ATXN1: variants seen among roughly 807,000 people sequenced by gnomAD.
ATXN1 encodes the protein ataxin 1, also known as ataxin-1.
ATXN1 carries 8 observed loss-of-function variants against 56.4 expected under a neutral mutation model. The ratio of observed to expected loss-of-function variants is 0.14; its 90% CI spans 0.08 to 0.26. The LOEUF (loss-of-function observed/expected upper bound fraction) is 0.26, where lower values mean the gene tolerates loss of function less well. Among genes scored for constraint, ATXN1 ranks in the 10% least tolerant of loss-of-function variants. The probability of loss-of-function intolerance (pLI) is 1.00; values close to 1 mark genes in which losing one functional copy is unlikely to be tolerated. For missense variants in ATXN1, 987 were observed against 1,106.5 expected, an observed-to-expected ratio of 0.89 and a Z score of 1.53; for synonymous variants, 514 against 494.6, an observed-to-expected ratio of 1.04 and a Z score of -0.52.
intron 4 of ATXN1, among the ~76,000 whole-genome samples, chr6:16,544,619 G>T (rs1417378548): frequency 6.6e-6 from 1 of 152,154 alleles, no homozygotes; most frequent in Non-Finnish European, 1.5e-5. Context: ...GCGTTGGCGT[G>T]TTATGGCACT....
At chr6:16,750,064 A>G (rs895218744) in intron 2 of ATXN1, 1 of 152,412 alleles carries the variant, frequency 6.6e-6, no homozygotes, top group Non-Finnish European at 1.5e-5. Flanking sequence ...TCTAGTCAGC[A>G]GAGCTCAACT....
chr6:16,744,981 T>C lies in ATXN1; in HGVS notation c.-615+8252A>G, dbSNP rs111517072. On this transcript the variant is annotated intron_variant, in intron 2 of 7. Coordinates refer to ENST00000436367, the MANE Select transcript of ATXN1 (RefSeq NM_001128164.2). ...AGAACATATAAAGAGCTCATATACA[T>C]AGATTAGAAAACATCAAGACTTCCA... is the stretch of plus-strand genomic sequence containing the variant. 8.6e-3 allele frequency among the ~76,000 whole-genome samples: 1,310 copies of C among 152,300 alleles called. 8 individuals are homozygous for C. Among genetic ancestry groups the C allele is most frequent in the Middle Eastern group, 0.024 (7 of 294 alleles).
chr6:16,543,392 CCT>C (rs1340425945), intron 4 of ATXN1, among the ~76,000 whole-genome samples: 1 of 151,992 alleles, frequency 6.6e-6, no homozygotes, highest in Non-Finnish European at 1.5e-5. Context: ...GTCTTTTCCC[CCT>C]CTGTGTGTAT....
rs370563839 is a variant in ATXN1, at chr6:16,694,051, G to A, written c.-614-36150C>T. ...ATGAAAAATTTAATCTACCTAAGAT[G>A]CCTACATGTTTCAAATAGACTTTTG... is the stretch of plus-strand genomic sequence containing the variant. On this transcript the variant is annotated intron_variant, in intron 2 of 7. Coordinates refer to ENST00000436367, the MANE Select transcript of ATXN1 (RefSeq NM_001128164.2). Among the ~76,000 whole-genome samples the A allele has an allele frequency of 2.5e-4, 38 of 152,256 alleles. No individual in the cohort carries two copies. In the East Asian group the frequency reaches 6.0e-3, roughly 24 times the overall value.
At chr6:16,632,043 A>T (rs961727925) in intron 3 of ATXN1, among the ~76,000 whole-genome samples, 8 of 152,138 alleles carry the variant, frequency 5.3e-5, no homozygotes, top group Non-Finnish European at 1.0e-4. Context: ...CAAAAGCAAT[A>T]ATGCTTACTT....
Position 16,326,708 on chromosome 6 carries a change from G to C in ATXN1, c.1603C>G (p.Pro535Ala), listed in dbSNP as rs1760814662. 1 of 1,613,402 alleles carries C rather than the reference G, an allele frequency of 6.2e-7. No individual in the cohort carries two copies. The highest frequency in any genetic ancestry group is 8.5e-7 in the Non-Finnish European group (1 of 1,180,018). ...GCGGCCTGGGTGACCAGGGCCTCAGGGTTGAAGTTCTCGCTCTTGGGAAGG... is the reference window on the plus strand; with the variant it reads ...GCGGCCTGGGTGACCAGGGCCTCAGCGTTGAAGTTCTCGCTCTTGGGAAGG... ...TALPKSENFN[P>A]EALVTQAAYP... The change falls in exon 7 of 8, where the codon CCT becomes GCT. Residue 535 changes from proline (P) to alanine (A), a missense_variant. By Grantham distance (27) the Pro-to-Ala change is conservative. Coordinates refer to ENST00000436367, the MANE Select transcript of ATXN1 (RefSeq NM_001128164.2). The surrounding 1 kb of genome is among the most constrained non-coding windows in gnomAD (Gnocchi z 6.6).
At chr6:16,360,582 G>T (rs1205846585) in intron 6 of ATXN1, among the ~76,000 whole-genome samples, 2 of 152,168 alleles carry the variant, frequency 1.3e-5, no homozygotes, top group Non-Finnish European at 2.9e-5. Flanking sequence ...TTCAATTTAA[G>T]AGAAGTAAGC....
intron 5 of ATXN1, among the ~76,000 whole-genome samples, chr6:16,495,428 C>T (rs1178710615): frequency 1.3e-5 from 2 of 152,170 alleles, no homozygotes; most frequent in Non-Finnish European, 2.9e-5. Flanking sequence ...TGAACAGACA[C>T]AAGTAACAGA....
chr6:16,408,515 T>TAA (rs34769591), intron 6 of ATXN1, among the ~76,000 whole-genome samples: 25 of 136,880 alleles, frequency 1.8e-4, no homozygotes, highest in South Asian at 7.2e-4. Flanking sequence ...ATGAGGATGG[T>TAA]AAAAAAAAAA....
At chr6:16,387,026 T>C (rs149856843) in intron 6 of ATXN1, among the ~76,000 whole-genome samples, 43 of 152,286 alleles carry the variant, frequency 2.8e-4, no homozygotes, top group African/African-American at 9.4e-4. Flanking sequence ...ACAAGGACTG[T>C]GTCTTAGTCA....
chr6:16,568,842 A>G lies in ATXN1; in HGVS notation c.-361+16938T>C, dbSNP rs142850959. On this transcript the variant is annotated intron_variant, in intron 4 of 7. Coordinates refer to ENST00000436367, the MANE Select transcript of ATXN1 (RefSeq NM_001128164.2). ...AGGCTAATAAAGAGTTCAGTTCAGT[A>G]AAGACTTGTTTCTAGGTTTTGACAG... Among the ~76,000 whole-genome samples the G allele has an allele frequency of 2.9e-3, 441 of 152,290 alleles. 3 individuals carry two copies. Among genetic ancestry groups the G allele is most frequent in the Non-Finnish European group, 4.9e-3 (330 of 68,026 alleles).
In ATXN1 at chr6:16,305,637, A is replaced by AT. The variant is rs1035243618; in HGVS notation, c.*691_*692insA. ...CATGTGGCAGTTGCTCTTTAAAAAA[A>AT]ATATATATCAGTGCAGTCAGGCCCC... On this transcript the variant is annotated 3_prime_UTR_variant, in exon 8 of 8. Transcript: ENST00000436367. 1.3e-5 allele frequency: 2 copies of AT among 152,700 alleles called. No homozygotes were observed. The highest frequency in any genetic ancestry group is 4.8e-5 in the African/African-American group (2 of 41,468). 9.5% of individuals were successfully genotyped at this position (152,700 alleles called of 1,614,324 possible).
At chr6:16,542,657 T>C (rs916738041) in intron 4 of ATXN1, among the ~76,000 whole-genome samples, 1 of 152,148 alleles carries the variant, frequency 6.6e-6, no homozygotes, top group African/African-American at 2.4e-5. Flanking sequence ...AATGCCACAA[T>C]TGTGTCTGAC....
intron 3 of ATXN1, among the ~76,000 whole-genome samples, chr6:16,587,793 TGGTGGTG>T (rs1178798347): frequency 6.6e-6 from 1 of 150,846 alleles, no homozygotes; most frequent in Non-Finnish European, 1.5e-5. Context: ...TAGCCAGGCA[TGGTGGTG>T]GGCGCCTGTA....
At chr6:16,358,603 G>C (rs1322132284) in intron 6 of ATXN1, among the ~76,000 whole-genome samples, 2 of 152,228 alleles carry the variant, frequency 1.3e-5, no homozygotes, top group East Asian at 3.8e-4. Flanking sequence ...CAAGCTGGCT[G>C]CGCGGCTGGT....
chr6:16,459,437 C>A (rs1337967824), intron 6 of ATXN1, among the ~76,000 whole-genome samples: 1 of 152,074 alleles, frequency 6.6e-6, no homozygotes, highest in Admixed American at 6.6e-5. Flanking sequence ...ATGCAGTAGC[C>A]CCTGCAACAC....
At chr6:16,744,899 A>G (rs576276604) in intron 2 of ATXN1, among the ~76,000 whole-genome samples, 1 of 152,344 alleles carries the variant, frequency 6.6e-6, no homozygotes, top group East Asian at 1.9e-4. Flanking sequence ...AAATGAAAGG[A>G]CACTGGACTA....
At chr6:16,384,871 C>T (rs1192582835) in intron 6 of ATXN1, among the ~76,000 whole-genome samples, 2 of 152,208 alleles carry the variant, frequency 1.3e-5, no homozygotes, top group Non-Finnish European at 2.9e-5. Flanking sequence ...ATTATCCAGT[C>T]TCAGGTAGTT....
intron 6 of ATXN1, among the ~76,000 whole-genome samples, chr6:16,431,626 T>C (rs532022445): frequency 3.2e-4 from 48 of 152,300 alleles, no homozygotes; most frequent in Non-Finnish European, 6.0e-4. Flanking sequence ...CCAGGGAGTA[T>C]TATAACAATT....
Sources: gnomAD v4.1 joint callset for allele counts (sites outside exome capture counted in the v4.1 genomes callset) on GRCh38, gnomAD v4.1.1 for gene constraint, Gnocchi (gnomAD v3.1) non-coding constraint, MANE v1.5 for transcripts, NCBI Gene and HGNC (gene_info 2026-07-23, HGNC 2026-07-21) for gene names.